Variants in SCEL observed in about 807,000 individuals in gnomAD.
SCEL encodes sciellin.
SCEL carries 113 observed loss-of-function variants against 117.6 expected under a neutral mutation model. The observed-to-expected ratio is 0.96, with a 90% CI of 0.83 to 1.12. The LOEUF is 1.12. SCEL is among the 50% of genes most tolerant of loss of function. SCEL has a pLI of 0.00. For synonymous variants in SCEL, 270 were observed against 256.2 expected, an observed-to-expected ratio of 1.05 and a Z score of -0.51; for missense variants, 785 against 810.8, an observed-to-expected ratio of 0.97 and a Z score of 0.39.
intron 10 of SCEL, among the ~76,000 whole-genome samples, chr13:77,590,355 T>A (rs56910746): frequency 0.062 from 9,366 of 152,188 alleles, 367 homozygotes; most frequent in East Asian, 0.088. Context: ...CTGAACTAAT[T>A]AAAAATATAG....
At chr13:77,613,759 C>G (rs1594124167) in intron 23 of SCEL, 134 bp from the exon 24 acceptor site, 2 of 710,302 alleles carry the variant, frequency 2.8e-6, no homozygotes, top group East Asian at 5.4e-5. Context: ...AAAATGGTAA[C>G]TAATATATAT....
chr13:77,560,845 G>A (rs545343141), intron 4 of SCEL, among the ~76,000 whole-genome samples: 1 of 152,310 alleles, frequency 6.6e-6, no homozygotes, highest in South Asian at 2.1e-4. Flanking sequence ...TAGAAAGGGA[G>A]TGTGAATGTC....
At chr13:77,549,612 C>G (rs1000487723) in intron 1 of SCEL, among the ~76,000 whole-genome samples, 3 of 152,158 alleles carry the variant, frequency 2.0e-5, no homozygotes, top group Non-Finnish European at 2.9e-5. Flanking sequence ...GATCAGAAGA[C>G]AGAAAGTTTT....
chr13:77,643,282 C>G (rs989623264), intron 32 of SCEL, among the ~76,000 whole-genome samples: 3 of 152,094 alleles, frequency 2.0e-5, no homozygotes, highest in African/African-American at 7.2e-5. Context: ...TTCTATCCAT[C>G]TAACATCAAT....
At chr13:77,628,085 T>C in intron 28 of SCEL, 76 bp downstream of exon 28, 2 of 333,174 alleles carry the variant, frequency 6.0e-6, no homozygotes, top group Non-Finnish European at 1.1e-5. Flanking sequence ...CCTTAGAAGA[T>C]TATATATATA....
At chr13:77,609,208 C>T in intron 21 of SCEL, 91 bp downstream of exon 21, 2 of 1,025,524 alleles carry the variant, frequency 2.0e-6, no homozygotes, top group Non-Finnish European at 2.8e-6. Flanking sequence ...GATGCTGAAC[C>T]CAATGATCCT....
At chr13:77,582,959 C>T (rs2154399036) in intron 9 of SCEL, among the ~76,000 whole-genome samples, 1 of 152,156 alleles carries the variant, frequency 6.6e-6, no homozygotes, top group South Asian at 2.1e-4. Context: ...TTTGAGAAAA[C>T]ATCTAAGGAC....
At chr13:77,604,832 CAGT>C (rs901009240) in intron 19 of SCEL, among the ~76,000 whole-genome samples, 5 of 151,944 alleles carry the variant, frequency 3.3e-5, no homozygotes, top group African/African-American at 1.2e-4. Context: ...GCATGTGTAT[CAGT>C]AGTATGTGGA....
At chr13:77,573,187 T>C (rs1165388300) in intron 9 of SCEL, among the ~76,000 whole-genome samples, 11 of 152,198 alleles carry the variant, frequency 7.2e-5, no homozygotes. Context: ...GTGCCAGATA[T>C]TATTCTAGGA....
intron 4 of SCEL, among the ~76,000 whole-genome samples, chr13:77,562,642 C>T (rs1014346053): frequency 7.9e-5 from 12 of 152,142 alleles, no homozygotes; most frequent in Middle Eastern, 3.2e-3. Context: ...GATGTACATA[C>T]CTGATTTATC....
intron 19 of SCEL, among the ~76,000 whole-genome samples, chr13:77,607,833 T>C (rs2088331024): frequency 6.6e-6 from 1 of 152,226 alleles, no homozygotes; most frequent in African/African-American, 2.4e-5. Flanking sequence ...GCTCTGAGAC[T>C]AAAATAATGT....
At chr13:77,627,063 C>G (rs578098275) in intron 27 of SCEL, among the ~76,000 whole-genome samples, 43 of 152,216 alleles carry the variant, frequency 2.8e-4, no homozygotes, top group African/African-American at 9.6e-4. Flanking sequence ...ATATAAGAAT[C>G]AAATTACTCC....
intron 28 of SCEL, among the ~76,000 whole-genome samples, chr13:77,630,381 C>T (rs548380791): frequency 6.6e-6 from 1 of 152,246 alleles, no homozygotes; most frequent in South Asian, 2.1e-4. Context: ...CTTTTCAAAT[C>T]ATATAATTAT....
chr13:77,575,782 T>G (rs1337290260), intron 9 of SCEL, among the ~76,000 whole-genome samples: 1 of 152,238 alleles, frequency 6.6e-6, no homozygotes, highest in East Asian at 1.9e-4. Flanking sequence ...TTTTCTGTCT[T>G]CTTTCTTCTC....
intron 22 of SCEL, among the ~76,000 whole-genome samples, chr13:77,610,781 C>T (rs1422309287): frequency 6.6e-6 from 1 of 152,070 alleles, no homozygotes; most frequent in African/African-American, 2.4e-5. Flanking sequence ...CATGTATTAC[C>T]TCTCTTCTTA....
chr13:77,545,063 G>C (rs2083916539), intron 1 of SCEL, among the ~76,000 whole-genome samples: 1 of 152,124 alleles, frequency 6.6e-6, no homozygotes, highest in Non-Finnish European at 1.5e-5. Flanking sequence ...ATAGGTAAAG[G>C]TTTTTCTACT....
chr13:77,549,032 G>T (rs1300048392), intron 1 of SCEL, among the ~76,000 whole-genome samples: 1 of 152,132 alleles, frequency 6.6e-6, no homozygotes, highest in Non-Finnish European at 1.5e-5. Flanking sequence ...TGTGATGCAG[G>T]TATCCCTTTA....
At chr13:77,591,522 A>G (rs1315309752) in intron 11 of SCEL, 62 bp downstream of exon 11, 2 of 956,992 alleles carry the variant, frequency 2.1e-6, no homozygotes, top group Non-Finnish European at 3.2e-6. Flanking sequence ...CTTTCTCAGC[A>G]CATTAAAAAA....
At position 77,569,542 on chromosome 13, in the gene SCEL, A is replaced by C. The variant is rs903400179; in HGVS notation, c.479+91A>C. 8 of 907,990 alleles carry C rather than the reference A, an allele frequency of 8.8e-6. No homozygotes were observed. The African/African-American group carries it at 1.2e-4, about 13-fold the overall frequency. The allele number at this position is 907,990 out of a possible 1,614,324, so 56.2% of individuals were successfully genotyped here. ...CTCCTCTTTTTTGTGGGGATCCAGCATCTACATTCTGCTGTTCCCAAACTT... is the reference window on the plus strand; with the variant it reads ...CTCCTCTTTTTTGTGGGGATCCAGCCTCTACATTCTGCTGTTCCCAAACTT... On this transcript the variant is annotated intron_variant, in intron 8 of 32. Coordinates refer to ENST00000349847, the MANE Select transcript of SCEL (RefSeq NM_144777.3).
Sources: allele counts gnomAD v4.1 joint callset (sites outside exome capture counted in the v4.1 genomes callset), GRCh38; gene constraint gnomAD v4.1.1; transcripts MANE v1.5; gene names NCBI Gene and HGNC (gene_info 2026-07-23, HGNC 2026-07-21).